Variants in SPOPL observed in about 807,000 individuals in gnomAD.
SPOPL encodes the protein speckle-type POZ protein-like.
In SPOPL, 23 loss-of-function variants were observed where a neutral mutation model predicts 53.8. That is an observed-to-expected ratio of 0.43 (90% CI 0.31 to 0.61). The LOEUF (loss-of-function observed/expected upper bound fraction) is 0.61. Among genes scored for constraint, SPOPL ranks in the 20% least tolerant of loss-of-function variants. SPOPL has a pLI of 0.12. For missense variants in SPOPL, 442 were observed against 466.9 expected (o/e 0.95, Z 0.49); for synonymous variants, 164 against 149.7 (o/e 1.10, Z -0.70).
At chr2:138,525,362 A>G (rs895077361) in intron 1 of SPOPL, among the ~76,000 whole-genome samples, 5 of 152,188 alleles carry the variant, frequency 3.3e-5, no homozygotes, top group Admixed American at 1.3e-4. Flanking sequence ...TGGGAGCTAC[A>G]AGATGAGATT....
intron 1 of SPOPL, among the ~76,000 whole-genome samples, chr2:138,548,153 A>G (rs1685237952): frequency 6.6e-6 from 1 of 151,664 alleles, no homozygotes; most frequent in Non-Finnish European, 1.5e-5. Flanking sequence ...GTAGGGTTTG[A>G]CGGTTTAAAA....
intron 1 of SPOPL, among the ~76,000 whole-genome samples, chr2:138,518,799 C>A (rs575578826): frequency 6.6e-6 from 1 of 152,274 alleles, no homozygotes; most frequent in East Asian, 1.9e-4. Flanking sequence ...GAGAGCCAAG[C>A]AATTAAAGTT....
rs61000380 is a variant in SPOPL, at chr2:138,555,131, GGTGTGTGTGT to G, written c.480+2480_480+2489del. On this transcript the variant is annotated intron_variant, in intron 5 of 10. Coordinates refer to ENST00000280098, the MANE Select transcript of SPOPL (RefSeq NM_001001664.3). The stretch of plus-strand genomic sequence containing the variant: ...AGTGGGGGTTGTTGGAGGGTAGGAG[GGTGTGTGTGT>G]GTGTGTGTGTGTGTGTGTGTGTGTG... Among the ~76,000 whole-genome samples, 120 of 140,184 alleles carry G rather than the reference GGTGTGTGTGT, an allele frequency of 8.6e-4. 2 individuals carry two copies. Among genetic ancestry groups the G allele is most frequent in the African/African-American group, 1.9e-3 (73 of 37,852 alleles). 92.0% of individuals were successfully genotyped at this position (140,184 alleles called of 152,430 possible).
chr2:138,559,232 T>C (rs1342387804), intron 6 of SPOPL, 33 bp downstream of exon 6: 1 of 1,609,912 alleles, frequency 6.2e-7, no homozygotes, highest in South Asian at 1.1e-5. Context: ...TATAGTACAT[T>C]TAAAAAAATG....
At chr2:138,548,791 G>A (rs59355341) in intron 1 of SPOPL, among the ~76,000 whole-genome samples, 2,428 of 152,174 alleles carry the variant, frequency 0.016, 58 homozygotes, top group African/African-American at 0.055. Flanking sequence ...ACTGGCAAAA[G>A]TATTGACCAG....
intron 1 of SPOPL, among the ~76,000 whole-genome samples, chr2:138,529,508 G>A (rs950582533): frequency 1.7e-5 from 2 of 116,452 alleles, no homozygotes; most frequent in South Asian, 5.5e-4. Flanking sequence ...CTGTGTGTGT[G>A]TGTGTGTGTG....
At chr2:138,533,055 TTTAC>T (rs1327965046) in intron 1 of SPOPL, among the ~76,000 whole-genome samples, 2 of 152,162 alleles carry the variant, frequency 1.3e-5, no homozygotes, top group Non-Finnish European at 2.9e-5. Context: ...CCAGTAAAGT[TTTAC>T]TTACTGTTTC....
chr2:138,554,572 G>A (rs574742452), intron 5 of SPOPL: 308 of 1,231,504 alleles, frequency 2.5e-4, no homozygotes, highest in East Asian at 4.1e-4. Context: ...TGCACAAAGC[G>A]TAACTTAATC....
At position 138,571,209 on chromosome 2, in the gene SPOPL, GAAA is replaced by G. The variant is rs1381407352; in HGVS notation, c.*2131_*2133del. On this transcript the variant is annotated 3_prime_UTR_variant, in exon 11 of 11. Coordinates refer to ENST00000280098, the MANE Select transcript of SPOPL (RefSeq NM_001001664.3). The stretch of plus-strand genomic sequence containing the variant: ...TATAGAATTATGTTGTCATATATCA[GAAA>G]AGTACTGATGTATCCATTTATATCC... 2 of 152,270 alleles carry G rather than the reference GAAA, an allele frequency of 1.3e-5. No homozygotes were observed. Among genetic ancestry groups the G allele is most frequent in the Non-Finnish European group, 2.9e-5 (2 of 68,002 alleles). 9.4% of individuals were successfully genotyped at this position (152,270 alleles called of 1,614,324 possible). A position where few individuals can be genotyped will look rare whatever the true frequency, so the allele number is the denominator to read the frequency against.
chr2:138,539,640 C>A (rs147505075), intron 1 of SPOPL, among the ~76,000 whole-genome samples: 22,523 of 152,028 alleles, frequency 0.15, 1,885 homozygotes, highest in African/African-American at 0.22. Context: ...TTTGTAGATT[C>A]TGAATATTAG....
At chr2:138,546,410 G>GTTAGTAGGTAGTTGATAGTCTGCTGT (rs1464446117) in intron 1 of SPOPL, among the ~76,000 whole-genome samples, 4 of 152,298 alleles carry the variant, frequency 2.6e-5, no homozygotes, top group Admixed American at 2.0e-4. Flanking sequence ...AGGCCTGAAT[G>GTTAGTAGGTAGTTGATAGTCTGCTGT]TTAGTAGGTA....
Position 138,552,786 on chromosome 2 carries a change from A to G in SPOPL, c.480+105A>G. The G allele has an allele frequency of 3.9e-6, 5 of 1,281,850 alleles. No homozygotes were observed. In the South Asian group the frequency reaches 7.9e-5, roughly 20 times the overall value. 79.4% of individuals were successfully genotyped at this position (1,281,850 alleles called of 1,614,324 possible). On this transcript the variant is annotated intron_variant, in intron 5 of 10. Transcript: ENST00000280098. The stretch of plus-strand genomic sequence containing the variant: ...TAAAATTAAGTAATTGGTATAGTTG[A>G]TTGAGTTTCATTTGTAAATTCTTGA...
At chr2:138,534,660 G>A (rs114175122) in intron 1 of SPOPL, among the ~76,000 whole-genome samples, 2,276 of 152,050 alleles carry the variant, frequency 0.015, 23 homozygotes, top group Middle Eastern at 0.041. Flanking sequence ...GTACAGTTCC[G>A]TAATGGCTTA....
rs552425908 is a variant in SPOPL, at chr2:138,508,235, T to C, written c.-61+6116T>C. On this transcript the variant is annotated intron_variant, in intron 1 of 10. Coordinates refer to ENST00000280098, the MANE Select transcript of SPOPL (RefSeq NM_001001664.3). Reference sequence around the variant, plus strand: ...CATGGATAAACTTTTTGAAGAATACTGTAGTTGGCAAAACCTTAATTGGCA... The same window carrying C: ...CATGGATAAACTTTTTGAAGAATACCGTAGTTGGCAAAACCTTAATTGGCA... Among the ~76,000 whole-genome samples, 10 of 152,334 alleles carry C rather than the reference T, an allele frequency of 6.6e-5. No homozygotes were observed. The South Asian group carries it at 1.2e-3, about 19-fold the overall frequency.
intron 1 of SPOPL, among the ~76,000 whole-genome samples, chr2:138,517,941 G>T (rs1456926099): frequency 6.6e-6 from 1 of 151,362 alleles, no homozygotes; most frequent in Non-Finnish European, 1.5e-5. Context: ...CCAGCAACTT[G>T]CAGGGCTGAG....
chr2:138,550,849 CGA>C (rs1685300629), intron 3 of SPOPL, 52 bp from the exon 4 acceptor site: 5 of 1,540,324 alleles, frequency 3.2e-6, no homozygotes, highest in East Asian at 2.3e-5. Context: ...CTCTCTCTCT[CGA>C]ATGCTTTTCA....
Position 138,569,104 on chromosome 2 carries a change from A to G in SPOPL, c.*24A>G, listed in dbSNP as rs777039962. ...GAAATCTTCCATGAACAGTTGAAAAATGGAATTGACTTTCACTCCTCCAGG... is the reference window on the plus strand; with the variant it reads ...GAAATCTTCCATGAACAGTTGAAAAGTGGAATTGACTTTCACTCCTCCAGG... On this transcript the variant is annotated 3_prime_UTR_variant, in exon 11 of 11. Coordinates refer to ENST00000280098, the MANE Select transcript of SPOPL (RefSeq NM_001001664.3). 1.2e-6 allele frequency: 2 copies of G among 1,606,834 alleles called. No homozygotes were observed. Among genetic ancestry groups the G allele is most frequent in the Non-Finnish European group, 1.7e-6 (2 of 1,176,886 alleles).
In SPOPL at chr2:138,559,148, A is replaced by G. The variant is rs1427160414; in HGVS notation, c.607A>G (p.Ser203Gly). 1.9e-6 allele frequency: 3 copies of G among 1,613,646 alleles called. No individual in the cohort carries two copies. Among genetic ancestry groups the G allele is most frequent in the Non-Finnish European group, 2.5e-6 (3 of 1,179,834 alleles). Residue 203 changes from serine to glycine, a missense_variant, in exon 6 of 11, where the codon AGT (serine) becomes GGT (glycine). Coordinates refer to ENST00000280098, the MANE Select transcript of SPOPL (RefSeq NM_001001664.3). ...LWENTRFTDCSFFVRGQEFKA... is the reference protein window; with the variant it reads ...LWENTRFTDCGFFVRGQEFKA... ...GGAAAACACAAGATTTACAGACTGCAGTTTTTTCGTGAGAGGACAAGAATT... is the reference window on the plus strand; with the variant it reads ...GGAAAACACAAGATTTACAGACTGCGGTTTTTTCGTGAGAGGACAAGAATT...
intron 1 of SPOPL, among the ~76,000 whole-genome samples, chr2:138,529,502 G>C (rs1288075350): frequency 7.1e-5 from 2 of 28,364 alleles, no homozygotes; most frequent in African/African-American, 1.3e-4. Flanking sequence ...ATGTGCCTGT[G>C]TGTGTGTGTG....
Sources: allele counts gnomAD v4.1 joint callset (sites outside exome capture counted in the v4.1 genomes callset), GRCh38; gene constraint gnomAD v4.1.1; transcripts MANE v1.5; gene names NCBI Gene and HGNC (gene_info 2026-07-23, HGNC 2026-07-21).